AFAP1: variants seen among roughly 807,000 people sequenced by gnomAD.
The protein encoded by AFAP1 is actin filament-associated protein 1.
A neutral mutation model predicts 93.9 loss-of-function variants in AFAP1; 75 were observed. That is an observed-to-expected ratio of 0.80 (90% CI 0.66 to 0.97). The LOEUF (loss-of-function observed/expected upper bound fraction) is 0.97, where lower values mean the gene tolerates loss of function less well. AFAP1 is among the 50% of genes least tolerant of loss of function. The probability of loss-of-function intolerance (pLI) is 0.00; values close to 1 mark genes in which losing one functional copy is unlikely to be tolerated. For synonymous variants in AFAP1, 517 were observed against 430.7 expected (o/e 1.20, Z -2.48); for missense variants, 1,201 against 1,050.8 (o/e 1.14, Z -1.98).
chr4:7,906,803 C>T (rs1301111281), intron 1 of AFAP1, among the ~76,000 whole-genome samples: 10 of 152,138 alleles, frequency 6.6e-5, no homozygotes, highest in Non-Finnish European at 1.2e-4. Context: ...GGTGGATCAC[C>T]TGAGGTCGGA....
In AFAP1 at chr4:7,778,769, C is replaced by A. The variant is rs865904137; in HGVS notation, c.1890G>T (p.Thr630=). ...KADPAAVVKR[T]GSNAAQYKYG... is the part of the protein sequence containing the mutation. ...ATCCGATGGTATACTTACTCGAACC[C>A]GTCCTTTTCACAACAGCCGCGGGAT... Residue 630 remains threonine (T), a synonymous_variant, in exon 14 of 18, where the codon ACG becomes ACT. Transcript: ENST00000420658. 1 of 1,613,944 alleles carries A rather than the reference C, an allele frequency of 6.2e-7. No homozygotes were observed. Among genetic ancestry groups the A allele is most frequent in the African/African-American group, 1.3e-5 (1 of 75,046 alleles).
At chr4:7,921,745 A>C (rs1298080473) in intron 1 of AFAP1, among the ~76,000 whole-genome samples, 2 of 152,256 alleles carry the variant, frequency 1.3e-5, no homozygotes, top group Non-Finnish European at 2.9e-5. Context: ...TGATTAATCC[A>C]AACGGTTGGG....
chr4:7,771,330 G>C (rs1189829879), intron 16 of AFAP1, among the ~76,000 whole-genome samples: 1 of 152,130 alleles, frequency 6.6e-6, no homozygotes, highest in Admixed American at 6.5e-5. Context: ...AAGGAACACA[G>C]CATATGCATA....
chr4:7,816,988 G>A (rs1720535345), intron 7 of AFAP1, among the ~76,000 whole-genome samples: 4 of 152,182 alleles, frequency 2.6e-5, no homozygotes, highest in Admixed American at 6.5e-5. Context: ...AGGAACAGCT[G>A]GGGGAATCCA....
chr4:7,790,228 A>C (rs927000347), intron 11 of AFAP1, among the ~76,000 whole-genome samples: 1 of 152,202 alleles, frequency 6.6e-6, no homozygotes, highest in African/African-American at 2.4e-5. Context: ...GTGTTACAGG[A>C]GTGTTTGGCT....
At chr4:7,795,381 CTT>C (rs1342572118) in intron 10 of AFAP1, among the ~76,000 whole-genome samples, 1 of 109,084 alleles carries the variant, frequency 9.2e-6, no homozygotes, top group Non-Finnish European at 1.9e-5. Flanking sequence ...CTTCACAGGT[CTT>C]ATGTCCTTCC....
In AFAP1 at chr4:7,760,504, A is replaced by T. The variant is rs1170576737; in HGVS notation, c.*3261T>A. The T allele has an allele frequency of 6.6e-6, 1 of 152,324 alleles. No homozygotes were observed. Among genetic ancestry groups the T allele is most frequent in the South Asian group, 2.1e-4 (1 of 4,826 alleles). 9.4% of individuals were successfully genotyped at this position (152,324 alleles called of 1,614,324 possible). A position where few individuals can be genotyped will look rare whatever the true frequency, so the allele number is the denominator to read the frequency against. On this transcript the variant is annotated 3_prime_UTR_variant, in exon 18 of 18. Transcript: ENST00000420658. ...ACCTTGCAACTGCCGTGGACTCTGG[A>T]AGCCGAGGGAGAGAGCTACCAGCCT...
At chr4:7,912,889 C>G (rs147442016) in intron 1 of AFAP1, among the ~76,000 whole-genome samples, 1 of 152,156 alleles carries the variant, frequency 6.6e-6, no homozygotes, top group East Asian at 1.9e-4. Context: ...ACTCTGTCAC[C>G]CAGGCTGGAA....
intron 17 of AFAP1, among the ~76,000 whole-genome samples, chr4:7,764,772 C>CG (rs1404714748): frequency 6.6e-6 from 1 of 152,082 alleles, no homozygotes; most frequent in African/African-American, 2.4e-5. Context: ...TCTGGTCTGA[C>CG]AACAGCCCTG....
chr4:7,843,064 G>C, intron 5 of AFAP1, 75 bp downstream of exon 5: 1 of 1,493,302 alleles, frequency 6.7e-7, no homozygotes, highest in South Asian at 1.2e-5. Flanking sequence ...GATGTTAATG[G>C]TGACTGGATA....
rs115979152 is a variant in AFAP1, at chr4:7,917,117, T to C, written c.-3+22539A>G. 4.7e-3 allele frequency among the ~76,000 whole-genome samples: 723 copies of C among 152,322 alleles called. 1 individual carries two copies. The highest frequency in any genetic ancestry group is 0.016 in the African/African-American group (667 of 41,570). ...CAATTACTGTGTTCACCCATAGCACTGTTGTAAAAAGCCTTAAGACTCATT... is the reference window on the plus strand; with the variant it reads ...CAATTACTGTGTTCACCCATAGCACCGTTGTAAAAAGCCTTAAGACTCATT... On this transcript the variant is annotated intron_variant, in intron 1 of 17. Transcript: ENST00000420658.
Position 7,767,672 on chromosome 4 carries a change from T to C in AFAP1, c.2418+1172A>G, listed in dbSNP as rs148827909. ...TCTGGGAGGCTGGGGACAACCATGT[T>C]TCTCAGGGGCCCTCCTGTGAGCACC... On this transcript the variant is annotated intron_variant, in intron 17 of 17. Transcript: ENST00000420658. Among the ~76,000 whole-genome samples the C allele has an allele frequency of 1.7e-3, 265 of 152,222 alleles. 1 individual carries two copies. The highest frequency in any genetic ancestry group is 6.2e-3 in the African/African-American group (258 of 41,532).
intron 10 of AFAP1, among the ~76,000 whole-genome samples, chr4:7,797,847 A>G (rs1312787453): frequency 6.6e-6 from 1 of 152,008 alleles, no homozygotes; most frequent in East Asian, 1.9e-4. Context: ...AAAGGTTCTG[A>G]AAAAAATCCT....
Position 7,876,883 on chromosome 4 carries a change from C to T in AFAP1, c.-2-4803G>A, listed in dbSNP as rs1385864707. ...AGTTGTAATTGTTAGAAAAGCTCCT[C>T]CTTTTTGGGATATTCACAGACTAAA... On this transcript the variant is annotated intron_variant, in intron 1 of 17. Coordinates refer to ENST00000420658, the MANE Select transcript of AFAP1 (RefSeq NM_001134647.2). 2.0e-5 allele frequency among the ~76,000 whole-genome samples: 3 copies of T among 152,312 alleles called. No homozygotes were observed. The East Asian group carries it at 5.8e-4, about 29-fold the overall frequency.
At chr4:7,914,754 T>C (rs1286684156) in intron 1 of AFAP1, among the ~76,000 whole-genome samples, 2 of 152,152 alleles carry the variant, frequency 1.3e-5, no homozygotes, top group African/African-American at 4.8e-5. Flanking sequence ...CTTACTCTTA[T>C]TCTTTTTCTC....
At chr4:7,837,801 T>C (rs747831651) in intron 6 of AFAP1, among the ~76,000 whole-genome samples, 1 of 152,174 alleles carries the variant, frequency 6.6e-6, no homozygotes, top group Non-Finnish European at 1.5e-5. Context: ...GGCGGATCAC[T>C]TGAGCTCATG....
At chr4:7,813,746 GGACA>G (rs1720242154) in intron 8 of AFAP1, among the ~76,000 whole-genome samples, 2 of 152,190 alleles carry the variant, frequency 1.3e-5, no homozygotes, top group South Asian at 2.1e-4. Flanking sequence ...CACTCAGATA[GGACA>G]GACTTAGAAA....
intron 1 of AFAP1, among the ~76,000 whole-genome samples, chr4:7,925,626 T>G (rs1203752450): frequency 1.3e-5 from 2 of 152,100 alleles, no homozygotes; most frequent in African/African-American, 2.4e-5. Context: ...TCAGGCGGAT[T>G]ACCTGAGGTT....
intron 1 of AFAP1, among the ~76,000 whole-genome samples, chr4:7,887,177 G>C (rs1718185405): frequency 6.6e-6 from 1 of 152,182 alleles, no homozygotes; most frequent in Non-Finnish European, 1.5e-5. Flanking sequence ...CCAGTCAAGA[G>C]AGGGCAAAGA....
Sources: gnomAD v4.1 joint callset for allele counts (sites outside exome capture counted in the v4.1 genomes callset) on GRCh38, gnomAD v4.1.1 for gene constraint, MANE v1.5 for transcripts, NCBI Gene and HGNC (gene_info 2026-07-23, HGNC 2026-07-21) for gene names.